TASP1: variants seen among roughly 807,000 people sequenced by gnomAD.
The protein encoded by TASP1 is taspase 1.
In TASP1, 16 loss-of-function variants were observed where a neutral mutation model predicts 56.6. That is an observed-to-expected ratio of 0.28 (90% CI 0.19 to 0.43). TASP1 has a LOEUF of 0.43. Ranked by LOEUF, TASP1 falls within the 20% of genes least tolerant of loss-of-function variation. The probability of loss-of-function intolerance (pLI) is 1.00; values close to 1 mark genes in which losing one functional copy is unlikely to be tolerated. For missense variants in TASP1, 393 were observed against 511.6 expected (o/e 0.77, Z 2.24); for synonymous variants, 179 against 184.2 (o/e 0.97, Z 0.23).
chr20:13,597,781 C>G (rs576702786), intron 4 of TASP1, among the ~76,000 whole-genome samples: 4 of 152,262 alleles, frequency 2.6e-5, no homozygotes, highest in Admixed American at 2.6e-4. Flanking sequence ...ATTTAGAAAA[C>G]CCCATCATCT....
At chr20:13,128,344 C>A in the TASP1 span, among the ~76,000 whole-genome samples, 19,046 of 152,132 alleles carry the variant, frequency 0.13, 1,498 homozygotes, top group African/African-American at 0.22. Context: ...AACAAATAAA[C>A]CCTGTAGATC....
At chr20:13,195,896 C>G in the TASP1 span, among the ~76,000 whole-genome samples, 1 of 151,956 alleles carries the variant, frequency 6.6e-6, no homozygotes, top group Non-Finnish European at 1.5e-5. Flanking sequence ...ATCATGCTGC[C>G]GGGCTAACTA....
the TASP1 span, among the ~76,000 whole-genome samples, chr20:13,230,521 C>T: frequency 2.9e-4 from 44 of 152,142 alleles, no homozygotes; most frequent in Admixed American, 1.6e-3. Context: ...TCTTTTGCAA[C>T]CCTTGGCTTA....
At chr20:13,515,594 T>C (rs1204605001) in intron 10 of TASP1, among the ~76,000 whole-genome samples, 1 of 150,352 alleles carries the variant, frequency 6.7e-6, no homozygotes. Context: ...CCATTCAGAT[T>C]ATTATCCCAA....
At chr20:13,251,280 C>T in the TASP1 span, among the ~76,000 whole-genome samples, 1 of 152,158 alleles carries the variant, frequency 6.6e-6, no homozygotes, top group South Asian at 2.1e-4. Flanking sequence ...GCATTGAATT[C>T]TGGCAGTGGA....
the TASP1 span, among the ~76,000 whole-genome samples, chr20:13,276,117 T>C: frequency 5.0e-4 from 76 of 152,334 alleles, no homozygotes; most frequent in African/African-American, 1.5e-3. Flanking sequence ...ATAATCTGGA[T>C]TTAAAACCCT....
chr20:13,596,634 G>C lies in TASP1; in HGVS notation c.283-9264C>G, dbSNP rs571674079. 5.3e-5 allele frequency among the ~76,000 whole-genome samples: 8 copies of C among 152,176 alleles called. No individual in the cohort carries two copies. In the East Asian group the frequency reaches 1.4e-3, roughly 26 times the overall value. On this transcript the variant is annotated intron_variant, in intron 4 of 13. Transcript: ENST00000337743. ...ACAATTAAAAGAACTAGAGAAGCAA[G>C]AGCAAACAAATTCAAAAGCTAGCAG...
the TASP1 span, among the ~76,000 whole-genome samples, chr20:13,249,720 G>A: frequency 2.6e-5 from 4 of 152,190 alleles, no homozygotes; most frequent in African/African-American, 7.2e-5. Context: ...CACACAATGG[G>A]AAGCCAAAGG....
the TASP1 span, among the ~76,000 whole-genome samples, chr20:13,334,879 G>A: frequency 1.7e-4 from 26 of 152,314 alleles, no homozygotes; most frequent in Admixed American, 1.4e-3. Flanking sequence ...TGTCATAAAT[G>A]TTTTCAACAC....
chr20:13,370,544 G>T, the TASP1 span, among the ~76,000 whole-genome samples: 5 of 151,894 alleles, frequency 3.3e-5, no homozygotes, highest in Non-Finnish European at 7.4e-5. Context: ...TTTTATAAAG[G>T]TTTCTCATTA....
chr20:13,446,678 C>T (rs567852256), intron 11 of TASP1, among the ~76,000 whole-genome samples: 77 of 152,022 alleles, frequency 5.1e-4, no homozygotes, highest in African/African-American at 1.8e-3. Context: ...AATAAAGTCA[C>T]GAAAAAAAGT....
chr20:13,269,193 C>G, the TASP1 span, among the ~76,000 whole-genome samples: 5 of 152,252 alleles, frequency 3.3e-5, no homozygotes, highest in East Asian at 9.7e-4. Flanking sequence ...TGACCCAAAG[C>G]CTGGTGAAAT....
the TASP1 span, chr20:13,288,652 A>G: frequency 6.2e-7 from 1 of 1,614,022 alleles, no homozygotes; most frequent in Non-Finnish European, 8.5e-7. Flanking sequence ...CTGCAACAGA[A>G]TCGAGGACCT....
the TASP1 span, chr20:13,221,938 C>T: frequency 1.7e-5 from 22 of 1,315,830 alleles, no homozygotes; most frequent in Middle Eastern, 5.7e-4. Context: ...CGGAGAGGGC[C>T]GTGCGCGGCT....
chr20:13,274,223 T>G, the TASP1 span, among the ~76,000 whole-genome samples: 1 of 152,132 alleles, frequency 6.6e-6, no homozygotes, highest in Non-Finnish European at 1.5e-5. Flanking sequence ...GGTGATGGTT[T>G]CCGTGTTGGC....
chr20:13,485,949 A>G (rs774924644), intron 10 of TASP1, among the ~76,000 whole-genome samples: 16 of 152,232 alleles, frequency 1.1e-4, no homozygotes, highest in Non-Finnish European at 1.9e-4. Flanking sequence ...AAACTACACA[A>G]TGTATGTCAG....
chr20:13,518,403 T>C (rs942207307), intron 10 of TASP1, among the ~76,000 whole-genome samples: 12 of 152,228 alleles, frequency 7.9e-5, no homozygotes, highest in Non-Finnish European at 1.8e-4. Flanking sequence ...GCTATCTTCA[T>C]GTATCTTCTA....
chr20:13,301,042 G>A, the TASP1 span, among the ~76,000 whole-genome samples: 26,038 of 152,074 alleles, frequency 0.17, 2,615 homozygotes, highest in Middle Eastern at 0.28. Flanking sequence ...TAAAGACATT[G>A]GACCCATCTT....
intron 8 of TASP1, among the ~76,000 whole-genome samples, chr20:13,558,646 T>C (rs2046242501): frequency 6.6e-6 from 1 of 152,176 alleles, no homozygotes; most frequent in South Asian, 2.1e-4. Flanking sequence ...TAATAAAAAT[T>C]TAGTGTTATA....
Sources: gnomAD v4.1 joint callset for allele counts (sites outside exome capture counted in the v4.1 genomes callset) on GRCh38, gnomAD v4.1.1 for gene constraint, MANE v1.5 for transcripts, NCBI Gene and HGNC (gene_info 2026-07-23, HGNC 2026-07-21) for gene names.